The following MAB21L4 variants were observed in gnomAD, a reference collection of about 807,000 sequenced individuals.
MAB21L4 encodes the protein mab-21 like 4.
A neutral mutation model predicts 32.4 loss-of-function variants in MAB21L4; 25 were observed. The observed-to-expected ratio is 0.77, with a 90% CI of 0.56 to 1.08. The LOEUF (loss-of-function observed/expected upper bound fraction) is 1.08. Ranked by LOEUF, MAB21L4 falls within the 50% of genes least tolerant of loss-of-function variation. MAB21L4 has a pLI of 0.00. For synonymous variants in MAB21L4, 280 were observed against 276.8 expected (o/e 1.01, Z -0.11); for missense variants, 638 against 611.0 (o/e 1.04, Z -0.47).
At chr2:240,893,125 A>G (rs1439866518) in intron 1 of MAB21L4, among the ~76,000 whole-genome samples, 1 of 152,208 alleles carries the variant, frequency 6.6e-6, no homozygotes, top group Non-Finnish European at 1.5e-5. Flanking sequence ...AGCTGGGCCC[A>G]GGCAGCATGC....
intron 1 of MAB21L4, among the ~76,000 whole-genome samples, 163 bp downstream of exon 1, chr2:240,895,321 C>T (rs1263838254): frequency 6.6e-6 from 1 of 152,262 alleles, no homozygotes; most frequent in African/African-American, 2.4e-5. Flanking sequence ...CACACACGTG[C>T]ACACATGCCT....
rs769734959 is a variant in MAB21L4, at chr2:240,888,317, G to A, written c.1226C>T (p.Ala409Val). The A allele has an allele frequency of 1.1e-5, 17 of 1,581,854 alleles. No homozygotes were observed. The African/African-American group carries it at 1.2e-4, about 12-fold the overall frequency. The change falls in exon 4 of 5, where the codon GCC (alanine) becomes GTC (valine). Residue 409 changes from alanine (A) to valine (V), a missense_variant. Transcript: ENST00000388934. The part of the protein sequence containing the change: ...PASDPTYWAT[A>V]YFDVLLDKFQ... The stretch of plus-strand genomic sequence containing the variant: ...CTTGTCCAGCAGGACGTCGAAGTAG[G>A]CAGTGGCCCAGTAAGTGGGGTCACT...
In MAB21L4 at chr2:240,895,486, G is replaced by A; in HGVS notation, c.512C>T (p.Pro171Leu). The A allele has an allele frequency of 6.5e-7, 1 of 1,548,610 alleles. No individual in the cohort carries two copies. Among genetic ancestry groups the A allele is most frequent in the Non-Finnish European group, 8.8e-7 (1 of 1,141,014 alleles). The change falls in exon 1 of 5, where the codon CCA (proline) becomes CTA (leucine). Residue 171 changes from proline to leucine, a missense_variant and splice_region_variant. Pro to Leu is a moderately conservative substitution (Grantham distance 98). Transcript: ENST00000388934. ...TGCAGAGTGGGCTGTGCCTGTACCTGGTGCGATGAGACTGTGGTGCTTGCA... is the reference window on the plus strand; with the variant it reads ...TGCAGAGTGGGCTGTGCCTGTACCTAGTGCGATGAGACTGTGGTGCTTGCA... ...VHCKHHSLIA[P>L]GSLNAASLRE...
chr2:240,889,926 C>T, intron 3 of MAB21L4, 79 bp downstream of exon 3: 1 of 1,487,688 alleles, frequency 6.7e-7, no homozygotes, highest in Non-Finnish European at 9.1e-7. Flanking sequence ...CCAGTCAGGG[C>T]TGGCAGGAGG....
rs1014185150 is a variant in MAB21L4, at chr2:240,890,058, C to T, written c.841G>A (p.Glu281Lys). ...GTCTGGCCACTGTCACGCCAGCTCT[C>T]GTGGTTGACCCGGTCGAGGATGGAG... ...SLSILDRVNH[E>K]SWRDSGQTDG... Residue 281 changes from glutamate to lysine, a missense_variant, in exon 3 of 5, where the codon GAG becomes AAG. Coordinates refer to ENST00000388934, the MANE Select transcript of MAB21L4 (RefSeq NM_001085437.3). 4.5e-5 allele frequency: 72 copies of T among 1,613,358 alleles called. No homozygotes were observed. Among genetic ancestry groups the T allele is most frequent in the Non-Finnish European group, 5.5e-5 (65 of 1,179,682 alleles).
chr2:240,890,219 G>A, intron 2 of MAB21L4, 61 bp from the exon 3 acceptor site: 1 of 1,545,638 alleles, frequency 6.5e-7, no homozygotes, highest in Non-Finnish European at 8.7e-7. Context: ...AGCATGGGGA[G>A]CTTCTGAGCC....
intron 4 of MAB21L4, among the ~76,000 whole-genome samples, chr2:240,887,662 G>A (rs1417335802): frequency 6.6e-6 from 1 of 152,258 alleles, no homozygotes; most frequent in Non-Finnish European, 1.5e-5. Context: ...CTAGGACACA[G>A]GAGAGGGTGG....
chr2:240,892,820 A>C (rs1188356937), intron 1 of MAB21L4, among the ~76,000 whole-genome samples: 2 of 152,064 alleles, frequency 1.3e-5, no homozygotes, highest in East Asian at 1.9e-4. Context: ...GACCCAGCCC[A>C]GTGCCCACTT....
chr2:240,886,957 C>A lies in MAB21L4; in HGVS notation c.*113G>T. 1 of 781,918 alleles carries A rather than the reference C, an allele frequency of 1.3e-6. No individual in the cohort carries two copies. Among genetic ancestry groups the A allele is most frequent in the Admixed American group, 2.2e-5 (1 of 45,726 alleles). 48.4% of individuals were successfully genotyped at this position (781,918 alleles called of 1,614,324 possible). ...TGCTGGGGACAAAATCCCTCCACTA[C>A]CCCCTCAAGGAGAAGCCCGTTTCTT... On this transcript the variant is annotated 3_prime_UTR_variant, in exon 5 of 5. Coordinates refer to ENST00000388934, the MANE Select transcript of MAB21L4 (RefSeq NM_001085437.3).
At chr2:240,887,747 G>T (rs2059107908) in intron 4 of MAB21L4, among the ~76,000 whole-genome samples, 2 of 152,186 alleles carry the variant, frequency 1.3e-5, no homozygotes. Flanking sequence ...CGGGCCCTGG[G>T]CGAGGAGCAG....
chr2:240,886,821 C>T lies in MAB21L4; in HGVS notation c.*249G>A. ...TGACAACACCACGTGGCTGGGTCAACATGCACCACATGGAGAGCTTGGCAC... is the reference window on the plus strand; with the variant it reads ...TGACAACACCACGTGGCTGGGTCAATATGCACCACATGGAGAGCTTGGCAC... On this transcript the variant is annotated 3_prime_UTR_variant, in exon 5 of 5. Transcript: ENST00000388934. The T allele has an allele frequency of 2.0e-6, 1 of 496,690 alleles. No individual in the cohort carries two copies. The highest frequency in any genetic ancestry group is 3.6e-6 in the Non-Finnish European group (1 of 280,622). 30.8% of individuals were successfully genotyped at this position (496,690 alleles called of 1,614,324 possible). A position where few individuals can be genotyped will look rare whatever the true frequency, so the allele number is the denominator to read the frequency against.
intron 1 of MAB21L4, 124 bp from the exon 2 acceptor site, chr2:240,891,887 G>T: frequency 6.3e-7 from 1 of 1,575,916 alleles, no homozygotes. Context: ...AGCCCTCTCT[G>T]CTGGCCCCCA....
At position 240,888,388 on chromosome 2, in the gene MAB21L4, CG is replaced by C. The variant is rs751132181; in HGVS notation, c.1154del (p.Pro385ArgfsTer148). The C allele has an allele frequency of 3.9e-6, 6 of 1,556,184 alleles. No individual in the cohort carries two copies. The highest frequency in any genetic ancestry group is 4.3e-6 in the Non-Finnish European group (5 of 1,154,228). The part of the protein sequence containing the change: ...IHATHLGRSP[P>X]PRIGSGLKAL... The stretch of plus-strand genomic sequence containing the variant: ...CCTTGAGCCCGGAGCCGATGCGCGG[CG>C]GGGGGCTGCGGCCCAGGTGGGTGGC... On this transcript the variant is annotated frameshift_variant, in exon 4 of 5. Coordinates refer to ENST00000388934, the MANE Select transcript of MAB21L4 (RefSeq NM_001085437.3). LOFTEE classifies it high-confidence loss of function.
At chr2:240,895,379 A>G in intron 1 of MAB21L4, 105 bp downstream of exon 1, 1 of 1,134,946 alleles carries the variant, frequency 8.8e-7, no homozygotes, top group Non-Finnish European at 1.2e-6. Flanking sequence ...GTGTGCACGT[A>G]CATGGCAATC....
chr2:240,891,660 T>C lies in MAB21L4; in HGVS notation c.618A>G (p.Arg206=). Residue 206 remains arginine, a synonymous_variant, in exon 2 of 5, where the codon AGA becomes AGG. Coordinates refer to ENST00000388934, the MANE Select transcript of MAB21L4 (RefSeq NM_001085437.3). The part of the protein sequence containing the change: ...TISFHVVPVV[R]RKLGAPALEG... ...CCAGGGCAGGCGCCCCAAGCTTCCT[T>C]CTCACCACGGGCACCACGTGGAAGC... 1 of 1,609,222 alleles carries C rather than the reference T, an allele frequency of 6.2e-7. No homozygotes were observed. Among genetic ancestry groups the C allele is most frequent in the Non-Finnish European group, 8.5e-7 (1 of 1,179,960 alleles).
At chr2:240,891,972 C>T in intron 1 of MAB21L4, 1 of 1,542,194 alleles carries the variant, frequency 6.5e-7, no homozygotes, top group East Asian at 2.4e-5. Flanking sequence ...GAGCTGGCCA[C>T]CATGCCTGCC....
chr2:240,895,731 G>T lies in MAB21L4; in HGVS notation c.267C>A (p.Ala89=). ...CTGGTTCCTCAATCAGTAGAGCCTC[G>T]GCATCCACCCACAGGGGCACCTCCA... ...MDMEVPLWVD[A]EALLIEEPEA... is the part of the protein sequence containing the mutation. The change falls in exon 1 of 5, where the codon GCC becomes GCA. Residue 89 remains alanine, a synonymous_variant. Coordinates refer to ENST00000388934, the MANE Select transcript of MAB21L4 (RefSeq NM_001085437.3). 1 of 1,612,890 alleles carries T rather than the reference G, an allele frequency of 6.2e-7. No homozygotes were observed. Among genetic ancestry groups the T allele is most frequent in the Non-Finnish European group, 8.5e-7 (1 of 1,179,982 alleles).
intron 2 of MAB21L4, 87 bp downstream of exon 2, chr2:240,891,451 C>T: frequency 7.8e-7 from 1 of 1,281,840 alleles, no homozygotes; most frequent in Non-Finnish European, 1.1e-6. Context: ...CCTGCAGATC[C>T]TCCTGGCTGG....
chr2:240,892,303 C>T (rs1195095788), intron 1 of MAB21L4, among the ~76,000 whole-genome samples: 2 of 152,144 alleles, frequency 1.3e-5, no homozygotes, highest in African/African-American at 4.8e-5. Flanking sequence ...GAGGGTGGAG[C>T]GAAGCTAGGC....
Sources: allele counts gnomAD v4.1 joint callset (sites outside exome capture counted in the v4.1 genomes callset), GRCh38; gene constraint gnomAD v4.1.1; transcripts MANE v1.5; gene names NCBI Gene and HGNC (gene_info 2026-07-23, HGNC 2026-07-21).